The following NAA60 variants were observed in gnomAD, a reference collection of about 807,000 sequenced individuals.
NAA60 encodes the protein N-alpha-acetyltransferase 60.
A neutral mutation model predicts 26.1 loss-of-function variants in NAA60; 8 were observed. That is an observed-to-expected ratio of 0.31 (90% CI 0.18 to 0.55). The LOEUF (loss-of-function observed/expected upper bound fraction) is 0.55. NAA60 is among the 20% of genes least tolerant of loss of function. NAA60 has a pLI of 0.93. For missense variants in NAA60, 290 were observed against 311.3 expected (o/e 0.93, Z 0.51); for synonymous variants, 131 against 122.5 (o/e 1.07, Z -0.46).
chr16:3,484,971 T>C lies in NAA60; in HGVS notation c.*116T>C. Reference sequence around the variant, plus strand: ...GGAGCTGCCAGCCATCTAACTGGGCTCGTCGGCCTGCCCCAGCTGCAGGCC... The same window carrying C: ...GGAGCTGCCAGCCATCTAACTGGGCCCGTCGGCCTGCCCCAGCTGCAGGCC... On this transcript the variant is annotated 3_prime_UTR_variant, in exon 7 of 8. Transcript: ENST00000407558. 2 of 1,529,882 alleles carry C rather than the reference T, an allele frequency of 1.3e-6. No homozygotes were observed. Among genetic ancestry groups the C allele is most frequent in the Non-Finnish European group, 1.8e-6 (2 of 1,140,400 alleles). 94.8% of individuals were successfully genotyped at this position (1,529,882 alleles called of 1,614,324 possible). A position where few individuals can be genotyped will look rare whatever the true frequency, so the allele number is the denominator to read the frequency against.
intron 2 of NAA60, among the ~76,000 whole-genome samples, chr16:3,468,614 C>T (rs756856023): frequency 7.2e-5 from 11 of 152,152 alleles, no homozygotes; most frequent in East Asian, 1.9e-4. Flanking sequence ...GTGTGAGTGC[C>T]GAGGCGCAAG....
intron 2 of NAA60, chr16:3,448,887 C>T: frequency 4.4e-6 from 1 of 226,198 alleles, no homozygotes; most frequent in South Asian, 5.8e-5. Context: ...CGAGACTCTC[C>T]CAGTGTGCTG....
At chr16:3,478,719 T>C (rs1029709077) in intron 3 of NAA60, among the ~76,000 whole-genome samples, 1 of 152,140 alleles carries the variant, frequency 6.6e-6, no homozygotes, top group Admixed American at 6.6e-5. Context: ...GGGAAGGCAT[T>C]GTAAACTCAA....
At chr16:3,453,072 G>T (rs184980551) in intron 2 of NAA60, among the ~76,000 whole-genome samples, 60 of 152,224 alleles carry the variant, frequency 3.9e-4, no homozygotes, top group Non-Finnish European at 5.9e-5. Context: ...AAAACTTTCT[G>T]GCAGGCAATC....
chr16:3,469,003 T>A (rs781495999), intron 2 of NAA60, among the ~76,000 whole-genome samples: 11 of 151,816 alleles, frequency 7.2e-5, no homozygotes, highest in African/African-American at 1.2e-4. Flanking sequence ...TGAGAATCGC[T>A]TGAACTCGGG....
chr16:3,461,286 T>C (rs1404102288), intron 2 of NAA60, among the ~76,000 whole-genome samples: 1 of 152,174 alleles, frequency 6.6e-6, no homozygotes, highest in East Asian at 1.9e-4. Context: ...GCCAGGGCTT[T>C]CTGCAGGAAG....
At chr16:3,446,655 G>A (rs1321251664) in intron 1 of NAA60, among the ~76,000 whole-genome samples, 6 of 147,400 alleles carry the variant, frequency 4.1e-5, no homozygotes, top group Non-Finnish European at 7.4e-5. Flanking sequence ...CTGTTGCCCA[G>A]GCTGGAGAGC....
intron 2 of NAA60, among the ~76,000 whole-genome samples, chr16:3,451,246 G>T (rs763264939): frequency 2.0e-5 from 3 of 152,162 alleles, no homozygotes; most frequent in African/African-American, 4.8e-5. Context: ...TCACTTGCAC[G>T]CCTTTTATTT....
At position 3,481,400 on chromosome 16, in the gene NAA60, A is replaced by G. The variant is rs532836548; in HGVS notation, c.241-1102A>G. On this transcript the variant is annotated intron_variant, in intron 4 of 7. Transcript: ENST00000407558. ...GTGCCCAGCCTGATCTCTCTTGTTA[A>G]TGGGACACGTGGTCCCCCCCTTCCC... is the stretch of plus-strand genomic sequence containing the variant. Among the ~76,000 whole-genome samples the G allele has an allele frequency of 1.2e-4, 18 of 152,206 alleles. 1 individual carries two copies. Among genetic ancestry groups the G allele is most frequent in the African/African-American group, 4.3e-4 (18 of 41,524 alleles).
chr16:3,445,538 G>C (rs2034517882), intron 1 of NAA60, among the ~76,000 whole-genome samples: 1 of 151,740 alleles, frequency 6.6e-6, no homozygotes, highest in African/African-American at 2.4e-5. Context: ...GCTTCCCAAA[G>C]TGCTGGGATT....
intron 1 of NAA60, among the ~76,000 whole-genome samples, chr16:3,445,149 T>G (rs542306134): frequency 1.3e-5 from 2 of 152,142 alleles, no homozygotes; most frequent in East Asian, 3.9e-4. Flanking sequence ...GCTAGACCAG[T>G]CCAAAGCATA....
chr16:3,481,572 C>T (rs908121761), intron 4 of NAA60, among the ~76,000 whole-genome samples: 4 of 152,200 alleles, frequency 2.6e-5, no homozygotes, highest in Non-Finnish European at 4.4e-5. Context: ...ACATGGGGAC[C>T]CTTTGGCTCA....
At chr16:3,468,552 A>G (rs1407019638) in intron 2 of NAA60, among the ~76,000 whole-genome samples, 1 of 152,230 alleles carries the variant, frequency 6.6e-6, no homozygotes, top group Non-Finnish European at 1.5e-5. Flanking sequence ...TGTAAAAGAA[A>G]TATGAGGTCT....
intron 2 of NAA60, among the ~76,000 whole-genome samples, chr16:3,451,876 C>T (rs1046225347): frequency 1.3e-5 from 2 of 151,282 alleles, no homozygotes; most frequent in Non-Finnish European, 1.5e-5. Context: ...TGAGACCACA[C>T]GACTGCATTC....
chr16:3,458,001 G>T, intron 2 of NAA60: 1 of 985,374 alleles, frequency 1.0e-6, no homozygotes, highest in Non-Finnish European at 1.2e-6. Context: ...CTTCCGGGCT[G>T]CGCTGCCGGC....
intron 2 of NAA60, among the ~76,000 whole-genome samples, chr16:3,464,305 G>A (rs1242186893): frequency 6.6e-6 from 1 of 152,132 alleles, no homozygotes; most frequent in East Asian, 1.9e-4. Context: ...GAGCCACCAC[G>A]CCCAGCTAGA....
chr16:3,460,733 C>T lies in NAA60; in HGVS notation c.-7+12193C>T, dbSNP rs189263408. On this transcript the variant is annotated intron_variant, in intron 2 of 7. Transcript: ENST00000407558. ...CAAGGCTGGGGTGTGGACCCTGCAT[C>T]GAAGCTGGTTCTGCTTATGTCCATG... Among the ~76,000 whole-genome samples the T allele has an allele frequency of 4.3e-4, 65 of 152,224 alleles. No individual in the cohort carries two copies. The East Asian group carries it at 6.6e-3, about 15-fold the overall frequency.
chr16:3,444,669 G>A (rs1361907197), intron 1 of NAA60, among the ~76,000 whole-genome samples: 3 of 152,180 alleles, frequency 2.0e-5, no homozygotes, highest in Non-Finnish European at 4.4e-5. Context: ...AAAACCCACC[G>A]AAAGGATGTT....
At chr16:3,446,719 T>C (rs2034571406) in intron 1 of NAA60, among the ~76,000 whole-genome samples, 1 of 151,788 alleles carries the variant, frequency 6.6e-6, no homozygotes, top group African/African-American at 2.4e-5. Flanking sequence ...CAAGTGATTC[T>C]TGTGCCTCAG....
Sources: allele counts gnomAD v4.1 joint callset (sites outside exome capture counted in the v4.1 genomes callset), GRCh38; gene constraint gnomAD v4.1.1; transcripts MANE v1.5; gene names NCBI Gene and HGNC (gene_info 2026-07-23, HGNC 2026-07-21).